DISP1: variants seen among roughly 807,000 people sequenced by gnomAD.
DISP1 encodes dispatched RND transporter family member 1, also known as protein dispatched homolog 1.
In DISP1, 30 loss-of-function variants were observed where a neutral mutation model predicts 37.3. The observed-to-expected ratio is 0.80, with a 90% CI of 0.60 to 1.09. DISP1 has a LOEUF of 1.09. Ranked by LOEUF, DISP1 falls within the 50% of genes least tolerant of loss-of-function variation. The probability of loss-of-function intolerance (pLI) is 0.00; values close to 1 mark genes in which losing one functional copy is unlikely to be tolerated. For synonymous variants in DISP1, 634 were observed against 690.2 expected (o/e 0.92, Z 1.28); for missense variants, 1,598 against 1,879.5 (o/e 0.85, Z 2.77).
rs553713950 is a variant in DISP1, at chr1:222,876,836, G to A, written c.-158-51594G>A. The stretch of plus-strand genomic sequence containing the variant: ...GAGTAGGATTCCAGAACATTCCTTG[G>A]GGAAACTCCATTGTACTTGTAATGT... On this transcript the variant is annotated intron_variant, in intron 1 of 8. Transcript: ENST00000675850. Among the ~76,000 whole-genome samples the A allele has an allele frequency of 2.0e-5, 3 of 152,028 alleles. No individual in the cohort carries two copies. The South Asian group carries it at 6.2e-4, about 32-fold the overall frequency.
intron 3 of DISP1, among the ~76,000 whole-genome samples, chr1:222,980,828 T>C (rs1030704704): frequency 6.6e-6 from 1 of 152,254 alleles, no homozygotes. Context: ...CTCAGGCCTG[T>C]AATCCCAGCA....
intron 2 of DISP1, among the ~76,000 whole-genome samples, chr1:222,940,414 T>C (rs1031430458): frequency 2.0e-5 from 3 of 152,104 alleles, no homozygotes; most frequent in African/African-American, 7.2e-5. Flanking sequence ...TCTAGCCCCA[T>C]AATCCAATCA....
At chr1:222,988,662 C>CT (rs35016383) in intron 4 of DISP1, among the ~76,000 whole-genome samples, 36,194 of 126,892 alleles carry the variant, frequency 0.29, 5,129 homozygotes, top group South Asian at 0.34. Context: ...ATTTCTTTCT[C>CT]TTTTTTTTTT....
chr1:222,910,622 T>A (rs947387815), intron 1 of DISP1, among the ~76,000 whole-genome samples: 1 of 152,184 alleles, frequency 6.6e-6, no homozygotes, highest in African/African-American at 2.4e-5. Flanking sequence ...AATTATAGCA[T>A]TAATTTAATT....
chr1:222,824,368 GATTA>G (rs1234172744), intron 1 of DISP1, among the ~76,000 whole-genome samples: 3 of 152,140 alleles, frequency 2.0e-5, no homozygotes, highest in African/African-American at 7.2e-5. Context: ...CTTTTGGAGA[GATTA>G]ATTTGTCTAA....
At chr1:222,990,540 T>C in intron 4 of DISP1, 85 bp from the exon 5 acceptor site, 1 of 1,608,830 alleles carries the variant, frequency 6.2e-7, no homozygotes, top group East Asian at 2.2e-5. Context: ...ACCAAAAATA[T>C]TTCTGCGAAG....
chr1:222,860,098 C>T (rs1668791526), intron 1 of DISP1, among the ~76,000 whole-genome samples: 1 of 152,048 alleles, frequency 6.6e-6, no homozygotes, highest in African/African-American at 2.4e-5. Context: ...CTCTTGTTGC[C>T]CAGGCTGGAG....
chr1:222,950,924 G>T (rs1675175834), intron 3 of DISP1, among the ~76,000 whole-genome samples: 1 of 152,148 alleles, frequency 6.6e-6, no homozygotes. Flanking sequence ...TTTTAATTCG[G>T]TGTTGCAAAG....
chr1:222,980,082 A>G (rs1201867488), intron 3 of DISP1, among the ~76,000 whole-genome samples: 2 of 152,202 alleles, frequency 1.3e-5, no homozygotes, highest in East Asian at 3.8e-4. Flanking sequence ...TTAGTTGTGT[A>G]TTGTAGTCAG....
chr1:222,868,336 A>G (rs1473245652), intron 1 of DISP1, among the ~76,000 whole-genome samples: 1 of 149,778 alleles, frequency 6.7e-6, no homozygotes, highest in Non-Finnish European at 1.5e-5. Context: ...ATGAAACAAA[A>G]CTCTACATAT....
In DISP1 at chr1:222,926,076, C is replaced by T. The variant is rs543937369; in HGVS notation, c.-158-2354C>T. 2.2e-4 allele frequency among the ~76,000 whole-genome samples: 34 copies of T among 152,224 alleles called. No individual in the cohort carries two copies. In the South Asian group the frequency reaches 5.6e-3, roughly 25 times the overall value. Reference sequence around the variant, plus strand: ...ACTCCATACCTATTAGCAGTCACTCCCCATCCTCTGTCTCCACCCCTCAGC... The same window carrying T: ...ACTCCATACCTATTAGCAGTCACTCTCCATCCTCTGTCTCCACCCCTCAGC... On this transcript the variant is annotated intron_variant, in intron 1 of 8. Transcript: ENST00000675850.
intron 1 of DISP1, among the ~76,000 whole-genome samples, chr1:222,877,484 A>G (rs1670030826): frequency 6.6e-6 from 1 of 152,208 alleles, no homozygotes. Flanking sequence ...TATCTCCTAC[A>G]GGGTCCCTCC....
At chr1:222,885,500 G>T (rs1670543156) in intron 1 of DISP1, among the ~76,000 whole-genome samples, 1 of 142,066 alleles carries the variant, frequency 7.0e-6, no homozygotes, top group Non-Finnish European at 1.5e-5. Flanking sequence ...ACAAGATCTC[G>T]CTCTGTCACC....
intron 2 of DISP1, among the ~76,000 whole-genome samples, chr1:222,938,760 A>ATGGAAGG: frequency 9.6e-6 from 1 of 104,612 alleles, no homozygotes; most frequent in Admixed American, 1.1e-4. Flanking sequence ...AAAAAAAAAA[A>ATGGAAGG]AAGGAAGGAA....
intron 1 of DISP1, among the ~76,000 whole-genome samples, chr1:222,864,963 G>T (rs931397763): frequency 6.6e-6 from 1 of 151,962 alleles, no homozygotes; most frequent in Non-Finnish European, 1.5e-5. Flanking sequence ...GCCCTCAAAG[G>T]TTACAGAGTT....
chr1:222,849,775 G>A (rs114856895), intron 1 of DISP1, among the ~76,000 whole-genome samples: 1 of 152,060 alleles, frequency 6.6e-6, no homozygotes. Context: ...GTACCATTTT[G>A]GTTGAAATGA....
In DISP1 at chr1:223,004,663, CCA is replaced by C; in HGVS notation, c.3268_3269del (p.Thr1090LeufsTer57). 6.2e-7 allele frequency: 1 copy of C among 1,614,134 alleles called. No individual in the cohort carries two copies. Among genetic ancestry groups the C allele is most frequent in the Non-Finnish European group, 8.5e-7 (1 of 1,180,040 alleles). On this transcript the variant is annotated frameshift_variant, in exon 9 of 9. Coordinates refer to ENST00000675850, the MANE Select transcript of DISP1 (RefSeq NM_001377229.1). LOFTEE classifies it low-confidence loss of function (END_TRUNC). The surrounding 1 kb of genome is among the most constrained non-coding windows in gnomAD (Gnocchi z 4.9). The stretch of plus-strand genomic sequence containing the variant: ...TCTGCGATGGCCATGGCTGCCCTGA[CCA>C]CCTTCGTGGCAGGGGCCATGATGAT...
At chr1:222,944,302 C>A (rs1343334417) in intron 3 of DISP1, among the ~76,000 whole-genome samples, 1 of 152,128 alleles carries the variant, frequency 6.6e-6, no homozygotes, top group East Asian at 1.9e-4. Context: ...CCACCTCAGT[C>A]CATAGTTTCT....
chr1:222,928,805 C>T (rs1266660113), intron 2 of DISP1, among the ~76,000 whole-genome samples: 1 of 151,844 alleles, frequency 6.6e-6, no homozygotes, highest in Admixed American at 6.6e-5. Context: ...GTAAGGCCAG[C>T]CATTTCTTAA....
Sources: gnomAD v4.1 joint callset for allele counts (sites outside exome capture counted in the v4.1 genomes callset) on GRCh38, gnomAD v4.1.1 for gene constraint, Gnocchi (gnomAD v3.1) non-coding constraint, MANE v1.5 for transcripts, NCBI Gene and HGNC (gene_info 2026-07-23, HGNC 2026-07-21) for gene names.